IGF2R: variants seen among roughly 807,000 people sequenced by gnomAD.
The protein encoded by IGF2R is cation-independent mannose-6-phosphate receptor.
A neutral mutation model predicts 270.6 loss-of-function variants in IGF2R; 91 were observed. The ratio of observed to expected loss-of-function variants is 0.34; its 90% CI spans 0.28 to 0.40. The LOEUF (loss-of-function observed/expected upper bound fraction) is 0.40, where lower values mean the gene tolerates loss of function less well. Ranked by LOEUF, IGF2R falls within the 10% of genes least tolerant of loss-of-function variation. The probability of loss-of-function intolerance (pLI) is 1.00; values close to 1 mark genes in which losing one functional copy is unlikely to be tolerated. For synonymous variants in IGF2R, 1,316 were observed against 1,258.9 expected, an observed-to-expected ratio of 1.05 and a Z score of -0.96; for missense variants, 2,805 against 3,188.3, an observed-to-expected ratio of 0.88 and a Z score of 2.90.
intron 1 of IGF2R, among the ~76,000 whole-genome samples, chr6:159,986,446 T>C (rs1172751357): frequency 7.0e-6 from 1 of 143,094 alleles, no homozygotes; most frequent in African/African-American, 2.6e-5. Flanking sequence ...TTTTTTTTTT[T>C]AAGTAGATTC....
At chr6:160,039,494 G>T (rs994550781) in intron 10 of IGF2R, among the ~76,000 whole-genome samples, 1 of 152,202 alleles carries the variant, frequency 6.6e-6, no homozygotes, top group Non-Finnish European at 1.5e-5. Context: ...GGCTGAGATT[G>T]TGCTCACTAC....
At chr6:160,067,261 G>T (rs1004536082) in intron 29 of IGF2R, among the ~76,000 whole-genome samples, 3 of 151,976 alleles carry the variant, frequency 2.0e-5, no homozygotes, top group African/African-American at 7.3e-5. Context: ...TTTACTGGGT[G>T]CCAGGATGGT....
At position 160,040,565 on chromosome 6, in the gene IGF2R, G is replaced by A. The variant is rs769831848; in HGVS notation, c.1321G>A (p.Asp441Asn). The A allele has an allele frequency of 2.3e-5, 37 of 1,613,858 alleles. No homozygotes were observed. Among genetic ancestry groups the A allele is most frequent in the Non-Finnish European group, 2.9e-5 (34 of 1,179,884 alleles). Residue 441 changes from aspartate to asparagine, a missense_variant, in exon 11 of 48, where the codon GAT becomes AAT. Physicochemically the swap from Asp to Asn is conservative, Grantham distance 23. This residue lies in a region of IGF2R where 954 missense variants were observed against 981.1 expected (regional missense o/e 0.97). Coordinates refer to ENST00000356956, the MANE Select transcript of IGF2R (RefSeq NM_000876.4). ...NFECNKTAGN[D>N]GKGTPVFTGE... The stretch of plus-strand genomic sequence containing the variant: ...TCTCCTCTTGAATTGTGCAGGTAAC[G>A]ATGGGAAAGGAACTCCTGTATTCAC...
chr6:159,987,977 C>G (rs558597759), intron 1 of IGF2R, among the ~76,000 whole-genome samples: 109 of 152,282 alleles, frequency 7.2e-4, no homozygotes, highest in African/African-American at 2.6e-3. Context: ...ATAGGCTCCT[C>G]CTTTCCTACT....
intron 31 of IGF2R, among the ~76,000 whole-genome samples, chr6:160,070,722 G>C (rs1192052141): frequency 6.6e-6 from 1 of 152,204 alleles, no homozygotes; most frequent in Non-Finnish European, 1.5e-5. Flanking sequence ...CTCGGTGGCT[G>C]AGTTGGGCAT....
chr6:160,055,494 C>CTAAA (rs1778292463), intron 19 of IGF2R, among the ~76,000 whole-genome samples: 1 of 152,178 alleles, frequency 6.6e-6, no homozygotes, highest in Non-Finnish European at 1.5e-5. Flanking sequence ...CTTTCACAGG[C>CTAAA]TAAAGCTCAG....
rs953381775 is a variant in IGF2R at position 160,024,663 on chromosome 6, A to G, written c.605A>G (p.Asp202Gly). ...LSGAYLVDDS[D>G]PDTSLFINVC... ...GGTGCCTACTTGGTGGATGACTCCGATCCGGACACTTCTCTATTCATCAAT... is the reference window on the plus strand; with the variant it reads ...GGTGCCTACTTGGTGGATGACTCCGGTCCGGACACTTCTCTATTCATCAAT... The change falls in exon 5 of 48, where the codon GAT becomes GGT. Residue 202 changes from aspartate to glycine, a missense_variant. Around this residue, in one of 2 missense-constraint regions of IGF2R, gnomAD observed 954 missense variants for 981.1 expected, o/e 0.97. Transcript: ENST00000356956. The G allele has an allele frequency of 6.2e-7, 1 of 1,614,108 alleles. No individual in the cohort carries two copies.
chr6:159,992,643 A>AT (rs924829272), intron 2 of IGF2R, among the ~76,000 whole-genome samples: 1 of 151,650 alleles, frequency 6.6e-6, no homozygotes, highest in Non-Finnish European at 1.5e-5. Flanking sequence ...CACACACCAC[A>AT]TTTTTTGTTA....
chr6:159,997,517 G>T (rs1583249177), intron 2 of IGF2R, among the ~76,000 whole-genome samples: 3 of 152,240 alleles, frequency 2.0e-5, no homozygotes, highest in African/African-American at 7.2e-5. Flanking sequence ...GGTTTGTGAG[G>T]GCAGAAAAGC....
intron 44 of IGF2R, among the ~76,000 whole-genome samples, chr6:160,091,838 T>C (rs943182901): frequency 2.0e-5 from 3 of 152,186 alleles, no homozygotes; most frequent in African/African-American, 7.2e-5. Context: ...AAGTCTAGGC[T>C]CTCTCTGACA....
chr6:160,073,550 C>A, intron 34 of IGF2R, 81 bp downstream of exon 34: 1 of 1,507,432 alleles, frequency 6.6e-7, no homozygotes, highest in Non-Finnish European at 9.0e-7. Context: ...TTCACTTGCC[C>A]ACTAGTAGAT....
Position 160,062,534 on chromosome 6 carries a change from C to T in IGF2R, c.3585C>T (p.Gly1195=), listed in dbSNP as rs370989306. The change falls in exon 26 of 48, where the codon GGC becomes GGT. Residue 1195 remains glycine, a splice_region_variant and synonymous_variant. Coordinates refer to ENST00000356956, the MANE Select transcript of IGF2R (RefSeq NM_000876.4). ...CAGGCTGCTGATTTATATTACAGGG[C>T]TCACCAGCATTTCAGCTTCAGGATG... ...RITFECAQIS[G]SPAFQLQDGC... 1.2e-6 allele frequency: 2 copies of T among 1,610,108 alleles called. No individual in the cohort carries two copies. Among genetic ancestry groups the T allele is most frequent in the African/African-American group, 2.7e-5 (2 of 74,804 alleles).
chr6:160,051,988 T>A (rs940292093), intron 19 of IGF2R, among the ~76,000 whole-genome samples: 10 of 151,222 alleles, frequency 6.6e-5, no homozygotes, highest in Admixed American at 6.6e-4. Flanking sequence ...GGTAGGAGGA[T>A]TGTTTGAGCC....
At chr6:159,988,349 A>G (rs954919239) in intron 1 of IGF2R, among the ~76,000 whole-genome samples, 2 of 151,972 alleles carry the variant, frequency 1.3e-5, no homozygotes, top group Non-Finnish European at 2.9e-5. Flanking sequence ...CCCTATCTCT[A>G]CTAAAAATAC....
chr6:160,042,706 CT>C (rs1777972284), intron 11 of IGF2R, among the ~76,000 whole-genome samples: 1 of 152,200 alleles, frequency 6.6e-6, no homozygotes, highest in Non-Finnish European at 1.5e-5. Flanking sequence ...TTGCTGGTTT[CT>C]TTTAGCTTCA....
chr6:160,072,906 G>A (rs1778774897), intron 33 of IGF2R, 22 bp downstream of exon 33: 1 of 1,599,978 alleles, frequency 6.3e-7, no homozygotes, highest in African/African-American at 1.3e-5. Flanking sequence ...GGTCTCTCGT[G>A]TGTTGTCTGA....
chr6:160,091,753 C>T (rs1038951135), intron 44 of IGF2R, among the ~76,000 whole-genome samples: 2 of 152,176 alleles, frequency 1.3e-5, no homozygotes, highest in Admixed American at 6.5e-5. Context: ...TCCCAGTGCT[C>T]GGTAAATCTT....
At position 160,075,938 on chromosome 6, in the gene IGF2R, A is replaced by G; in HGVS notation, c.5258A>G (p.Asp1753Gly). The change falls in exon 36 of 48, where the codon GAC becomes GGC. Residue 1753 changes from aspartate (D) to glycine (G), a missense_variant. Asp to Gly is a moderately conservative substitution (Grantham distance 94). Around this residue, in one of 2 missense-constraint regions of IGF2R, gnomAD observed 1,851 missense variants for 2,207.2 expected, o/e 0.84. Transcript: ENST00000356956. ...GAAAGCAGTACTCCTTGCTTAGCGG[A>G]CAAGCATTTCAACTACACCTCGCTC... ...NFESSTPCLA[D>G]KHFNYTSLIA... is the part of the protein sequence containing the mutation. 1 of 1,614,214 alleles carries G rather than the reference A, an allele frequency of 6.2e-7. No individual in the cohort carries two copies. Among genetic ancestry groups the G allele is most frequent in the African/African-American group, 1.3e-5 (1 of 75,060 alleles).
At position 160,033,036 on chromosome 6, in the gene IGF2R, A is replaced by G. The variant is rs544353898; in HGVS notation, c.1140A>G (p.Ala380=). The stretch of plus-strand genomic sequence containing the variant: ...AGTTCTGTAATAAAAAACAAGCTGC[A>G]GTTTGCCAAGTGAAAAAGAGCGATA... ...EIQFCNKKQA[A]VCQVKKSDTS... The change falls in exon 9 of 48, where the codon GCA becomes GCG. Residue 380 remains alanine (A), a synonymous_variant. Coordinates refer to ENST00000356956, the MANE Select transcript of IGF2R (RefSeq NM_000876.4). 2 of 1,612,406 alleles carry G rather than the reference A, an allele frequency of 1.2e-6. No homozygotes were observed. Among genetic ancestry groups the G allele is most frequent in the South Asian group, 1.1e-5 (1 of 91,038 alleles).
Sources: gnomAD v4.1 joint callset for allele counts (sites outside exome capture counted in the v4.1 genomes callset) on GRCh38, gnomAD v4.1.1 for gene constraint, gnomAD v4.1.1 regional missense constraint, MANE v1.5 for transcripts, NCBI Gene and HGNC (gene_info 2026-07-23, HGNC 2026-07-21) for gene names.